Variants in ZNF469 observed in about 807,000 individuals in gnomAD.
ZNF469 encodes zinc finger protein 469.
In ZNF469, 1 loss-of-function variant was observed where a neutral mutation model predicts 1.0. The ratio of observed to expected loss-of-function variants is 1.00; its 90% CI spans 0.35 to 4.73. The LOEUF is 4.73. ZNF469 is among the 30% of genes most tolerant of loss of function. The probability of loss-of-function intolerance (pLI) is 0.16; values close to 1 mark genes in which losing one functional copy is unlikely to be tolerated. For synonymous variants in ZNF469, 2,703 were observed against 2,363.4 expected (o/e 1.14, Z -4.17); for missense variants, 6,100 against 5,356.3 (o/e 1.14, Z -4.33).
At chr16:88,216,934 T>C in the ZNF469 span, among the ~76,000 whole-genome samples, 217 of 152,292 alleles carry the variant, frequency 1.4e-3, no homozygotes, top group African/African-American at 4.9e-3. Flanking sequence ...TTTAGTTTTT[T>C]TTTCTTCATA....
chr16:88,323,396 C>T, the ZNF469 span, among the ~76,000 whole-genome samples: 1 of 152,232 alleles, frequency 6.6e-6, no homozygotes, highest in Admixed American at 6.5e-5. Context: ...ACCTAGCAAA[C>T]TCTAATGCCA....
the ZNF469 span, among the ~76,000 whole-genome samples, chr16:88,303,476 C>T: frequency 6.6e-6 from 1 of 152,178 alleles, no homozygotes; most frequent in South Asian, 2.1e-4. Flanking sequence ...CCCACCACAG[C>T]CTGCAGCAGC....
At chr16:88,112,405 G>A in the ZNF469 span, among the ~76,000 whole-genome samples, 2 of 152,164 alleles carry the variant, frequency 1.3e-5, no homozygotes, top group Non-Finnish European at 2.9e-5. Flanking sequence ...CCACCAACGG[G>A]GTACGAGGGT....
the ZNF469 span, among the ~76,000 whole-genome samples, chr16:88,144,167 G>A: frequency 2.5e-3 from 383 of 152,314 alleles, 3 homozygotes; most frequent in African/African-American, 8.8e-3. Flanking sequence ...CTGTGGCAGT[G>A]AGCAGCCGGT....
At chr16:88,174,602 GAT>G in the ZNF469 span, among the ~76,000 whole-genome samples, 4 of 147,934 alleles carry the variant, frequency 2.7e-5, no homozygotes, top group Admixed American at 2.7e-4. Flanking sequence ...TTCCAGCCCT[GAT>G]ACAGCAAGAT....
At chr16:88,330,605 C>G in the ZNF469 span, among the ~76,000 whole-genome samples, 1 of 152,220 alleles carries the variant, frequency 6.6e-6, no homozygotes, top group African/African-American at 2.4e-5. Context: ...AAGAAAGAAG[C>G]TTGTGTCTGG....
rs1010514402 is a variant in ZNF469 at position 88,430,086 on chromosome 16, G to C, written c.2616G>C (p.Glu872Asp). The change falls in exon 3 of 3, where the codon GAG becomes GAC. Residue 872 changes from glutamate (E) to aspartate (D), a missense_variant. Coordinates refer to ENST00000565624, the MANE Select transcript of ZNF469 (RefSeq NM_001367624.2). ...SSFIDVFADE[E>D]PSGPRGPSSG... ...TCATCGACGTCTTCGCGGACGAGGA[G>C]CCTTCCGGCCCCAGAGGTCCCAGCT... is the stretch of plus-strand genomic sequence containing the variant. 3 of 1,550,194 alleles carry C rather than the reference G, an allele frequency of 1.9e-6. No homozygotes were observed. Among genetic ancestry groups the C allele is most frequent in the Middle Eastern group, 3.3e-4 (2 of 5,992 alleles).
At chr16:88,209,269 G>C in the ZNF469 span, among the ~76,000 whole-genome samples, 5 of 151,924 alleles carry the variant, frequency 3.3e-5, no homozygotes, top group South Asian at 2.1e-4. Context: ...TGTTCTTCCG[G>C]TGTTTCTTTT....
At chr16:88,157,814 C>G in the ZNF469 span, among the ~76,000 whole-genome samples, 1 of 151,926 alleles carries the variant, frequency 6.6e-6, no homozygotes, top group Non-Finnish European at 1.5e-5. Context: ...ATGACCGTGC[C>G]ATCCTCGCCA....
chr16:88,368,658 G>A, the ZNF469 span, among the ~76,000 whole-genome samples: 1 of 151,970 alleles, frequency 6.6e-6, no homozygotes, highest in African/African-American at 2.4e-5. Context: ...CCTGGAGAGA[G>A]AGTGGCCTGG....
At chr16:88,247,512 G>GTGAGTGAGTGAA in the ZNF469 span, among the ~76,000 whole-genome samples, 41 of 138,698 alleles carry the variant, frequency 3.0e-4, no homozygotes, top group Non-Finnish European at 6.4e-4. Flanking sequence ...GAGGGAATGA[G>GTGAGTGAGTGAA]TGAGTGAGTG....
chr16:88,439,134 G>A lies in ZNF469; in HGVS notation c.11664G>A (p.Lys3888=). The A allele has an allele frequency of 6.4e-7, 1 of 1,550,774 alleles. No homozygotes were observed. Among genetic ancestry groups the A allele is most frequent in the South Asian group, 1.2e-5 (1 of 84,070 alleles). The change falls in exon 3 of 3, where the codon AAG becomes AAA. Residue 3888 remains lysine (K), a synonymous_variant. Coordinates refer to ENST00000565624, the MANE Select transcript of ZNF469 (RefSeq NM_001367624.2). ...RKAEPGHTQR[K]DRLGKAFPQG... is the part of the protein sequence containing the mutation. ...CAGAGCCGGGCCACACACAGAGGAA[G>A]GACAGACTGGGCAAGGCCTTCCCCC...
chr16:88,366,140 C>A, the ZNF469 span, among the ~76,000 whole-genome samples: 1 of 148,762 alleles, frequency 6.7e-6, no homozygotes, highest in Non-Finnish European at 1.5e-5. Context: ...ATCATCATCA[C>A]CATCATCACC....
At chr16:88,176,715 G>A in the ZNF469 span, among the ~76,000 whole-genome samples, 32 of 152,334 alleles carry the variant, frequency 2.1e-4, no homozygotes, top group Middle Eastern at 3.4e-3. Context: ...GTGGTGGGTC[G>A]GCCCGTGGCC....
At chr16:88,136,137 T>G in the ZNF469 span, among the ~76,000 whole-genome samples, 1 of 152,206 alleles carries the variant, frequency 6.6e-6, no homozygotes, top group Non-Finnish European at 1.5e-5. Flanking sequence ...CCTATGAACG[T>G]GCAGCTGGAC....
the ZNF469 span, among the ~76,000 whole-genome samples, chr16:88,346,108 A>C: frequency 6.6e-6 from 1 of 152,166 alleles, no homozygotes; most frequent in East Asian, 1.9e-4. Context: ...ATTACAAAAG[A>C]ATTTTTATTC....
Position 88,429,853 on chromosome 16 carries a change from A to G in ZNF469, c.2383A>G (p.Lys795Glu), listed in dbSNP as rs1465067252. The G allele has an allele frequency of 6.5e-7, 1 of 1,549,548 alleles. No homozygotes were observed. The highest frequency in any genetic ancestry group is 8.7e-7 in the Non-Finnish European group (1 of 1,146,640). ...DAHAGLLSHA[K>E]TFLLAGDAQA... ...ACACGCGGGCTTGCTCAGCCACGCGAAGACCTTCCTGTTAGCTGGGGACGC... is the reference window on the plus strand; with the variant it reads ...ACACGCGGGCTTGCTCAGCCACGCGGAGACCTTCCTGTTAGCTGGGGACGC... Residue 795 changes from lysine to glutamate, a missense_variant, in exon 3 of 3, where the codon AAG (lysine) becomes GAG (glutamate). By Grantham distance (56) the Lys-to-Glu change is moderately conservative (BLOSUM62 1). Transcript: ENST00000565624.
the ZNF469 span, among the ~76,000 whole-genome samples, chr16:88,239,695 ATATATATATATATATATATATT>A: frequency 1.7e-4 from 1 of 5,724 alleles, no homozygotes; most frequent in Non-Finnish European, 2.8e-4. Flanking sequence ...ATATATATAT[ATATATATATATATATATATATT>A]TTTTTTTTTT....
the ZNF469 span, among the ~76,000 whole-genome samples, chr16:88,202,020 T>C: frequency 6.6e-6 from 1 of 152,076 alleles, no homozygotes; most frequent in Non-Finnish European, 1.5e-5. Context: ...CTCCACTAAC[T>C]CGGAGGTTCT....
Sources: gnomAD v4.1 joint callset for allele counts (sites outside exome capture counted in the v4.1 genomes callset) on GRCh38, gnomAD v4.1.1 for gene constraint, MANE v1.5 for transcripts, NCBI Gene and HGNC (gene_info 2026-07-23, HGNC 2026-07-21) for gene names.